The following CACNA2D3 variants were observed in gnomAD, a reference collection of about 807,000 sequenced individuals.
CACNA2D3 encodes the protein voltage-dependent calcium channel subunit alpha-2/delta-3.
A neutral mutation model predicts 160.6 loss-of-function variants in CACNA2D3; 60 were observed. The ratio of observed to expected loss-of-function variants is 0.37; its 90% confidence interval spans 0.30 to 0.46. CACNA2D3 has a LOEUF of 0.46. Ranked by LOEUF, CACNA2D3 falls within the 20% of genes least tolerant of loss-of-function variation. The probability of loss-of-function intolerance (pLI) is 1.00; values close to 1 mark genes in which losing one functional copy is unlikely to be tolerated. For synonymous variants in CACNA2D3, 558 were observed against 492.9 expected, an observed-to-expected ratio of 1.13 and a Z score of -1.75; for missense variants, 1,205 against 1,365.0, an observed-to-expected ratio of 0.88 and a Z score of 1.85.
chr3:54,749,666 C>T (rs1559568374), intron 11 of CACNA2D3, among the ~76,000 whole-genome samples: 5 of 152,160 alleles, frequency 3.3e-5, no homozygotes, highest in African/African-American at 4.8e-5. Context: ...AAAGGCATTA[C>T]TGTGAGAGAT....
At chr3:54,582,044 T>C (rs1470048177) in intron 9 of CACNA2D3, among the ~76,000 whole-genome samples, 167 bp downstream of exon 9, 1 of 152,196 alleles carries the variant, frequency 6.6e-6, no homozygotes, top group Non-Finnish European at 1.5e-5. Context: ...ATCATGGCAC[T>C]AAAATAATTA....
intron 2 of CACNA2D3, among the ~76,000 whole-genome samples, chr3:54,240,849 C>G (rs751466914): frequency 6.6e-6 from 1 of 152,088 alleles, no homozygotes; most frequent in Non-Finnish European, 1.5e-5. Flanking sequence ...TCAAGTGATT[C>G]TCCTGTCTCA....
chr3:54,809,311 C>CTTTTTTTTTTTTTTTTTTTTTTTTTT lies in CACNA2D3; in HGVS notation c.1381-7524_1381-7523insTTTTTTTTTTTTTTTTTTTTTTTTTT, dbSNP rs1217898723. Among the ~76,000 whole-genome samples the CTTTTTTTTTTTTTTTTTTTTTTTTTT allele has an allele frequency of 3.1e-4, 25 of 80,726 alleles. 2 individuals carry two copies. The highest frequency in any genetic ancestry group is 4.5e-4 in the East Asian group (1 of 2,204). 53.0% of individuals were successfully genotyped at this position (80,726 alleles called of 152,430 possible). On this transcript the variant is annotated intron_variant, in intron 13 of 37. Coordinates refer to ENST00000474759, the MANE Select transcript of CACNA2D3 (RefSeq NM_018398.3). ...TCTTTCTTTCCTTCCTTCCTTCTTT[C>CTTTTTTTTTTTTTTTTTTTTTTTTTT]TTTTTTTTTTTTTTTTTTGAGACGG...
intron 35 of CACNA2D3, among the ~76,000 whole-genome samples, chr3:55,073,077 G>A (rs996128094): frequency 6.6e-6 from 1 of 152,170 alleles, no homozygotes; most frequent in African/African-American, 2.4e-5. Flanking sequence ...AACATCAAAT[G>A]TAACTTGGGG....
intron 27 of CACNA2D3, among the ~76,000 whole-genome samples, chr3:54,967,544 C>T (rs1015429950): frequency 1.3e-5 from 2 of 152,128 alleles, no homozygotes; most frequent in African/African-American, 2.4e-5. Flanking sequence ...GTGCAACAGA[C>T]TACAGTTTGC....
At chr3:54,762,905 C>T (rs1017594787) in intron 12 of CACNA2D3, among the ~76,000 whole-genome samples, 2 of 151,982 alleles carry the variant, frequency 1.3e-5, no homozygotes, top group African/African-American at 4.8e-5. Flanking sequence ...TCCTAGCTAA[C>T]ACGGTGAAAC....
chr3:54,375,651 T>A (rs1449328), intron 3 of CACNA2D3, among the ~76,000 whole-genome samples: 38,489 of 151,898 alleles, frequency 0.25, 4,970 homozygotes, highest in Middle Eastern at 0.32. Flanking sequence ...AAAGGACCTT[T>A]TGGGTCATAG....
At chr3:54,854,846 T>A (rs947038389) in intron 17 of CACNA2D3, among the ~76,000 whole-genome samples, 3 of 152,116 alleles carry the variant, frequency 2.0e-5, no homozygotes, top group African/African-American at 2.4e-5. Context: ...AAAAAGTAAA[T>A]TCGGGTCAGT....
chr3:54,352,312 T>G (rs1168048464), intron 3 of CACNA2D3, among the ~76,000 whole-genome samples: 1 of 152,098 alleles, frequency 6.6e-6, no homozygotes, highest in East Asian at 1.9e-4. Context: ...GAGGATAGAG[T>G]CCTAGGGTAC....
intron 3 of CACNA2D3, among the ~76,000 whole-genome samples, chr3:54,367,868 C>G (rs1011532064): frequency 3.3e-5 from 5 of 152,182 alleles, no homozygotes; most frequent in African/African-American, 9.7e-5. Flanking sequence ...TCCGCATGGC[C>G]TAGAGCCTTG....
intron 5 of CACNA2D3, among the ~76,000 whole-genome samples, chr3:54,543,874 T>A (rs1575513746): frequency 6.6e-6 from 1 of 152,352 alleles, no homozygotes; most frequent in Non-Finnish European, 1.5e-5. Context: ...TCCATGTTGT[T>A]TTTGCTAATA....
chr3:55,027,001 A>ACACACG (rs1176323989), intron 35 of CACNA2D3, among the ~76,000 whole-genome samples: 2 of 152,142 alleles, frequency 1.3e-5, no homozygotes, highest in African/African-American at 4.8e-5. Flanking sequence ...GCACACACAC[A>ACACACG]CACACGCACA....
chr3:54,766,966 C>T (rs560581388), intron 13 of CACNA2D3, among the ~76,000 whole-genome samples: 15 of 149,162 alleles, frequency 1.0e-4, no homozygotes, highest in African/African-American at 3.4e-4. Context: ...AAACAAGAAA[C>T]AGAATAAACC....
At chr3:54,253,571 C>T (rs1446440474) in intron 2 of CACNA2D3, among the ~76,000 whole-genome samples, 1 of 152,166 alleles carries the variant, frequency 6.6e-6, no homozygotes, top group East Asian at 1.9e-4. Context: ...CCAGGGCCCA[C>T]CTCCAACACT....
chr3:54,836,051 T>C (rs1391101725), intron 14 of CACNA2D3, among the ~76,000 whole-genome samples: 2 of 152,150 alleles, frequency 1.3e-5, no homozygotes, highest in East Asian at 1.9e-4. Flanking sequence ...AAGCCTACCA[T>C]GTTCCAAGAC....
chr3:54,264,778 T>A (rs4257582), intron 2 of CACNA2D3, among the ~76,000 whole-genome samples: 105,427 of 152,126 alleles, frequency 0.69, 37,208 homozygotes, highest in African/African-American at 0.84. Flanking sequence ...AGTCAGTTGA[T>A]CCAAACACTA....
chr3:54,442,297 A>G (rs1700157395), intron 4 of CACNA2D3, among the ~76,000 whole-genome samples: 1 of 152,150 alleles, frequency 6.6e-6, no homozygotes. Flanking sequence ...AGAAGCTTCT[A>G]GAGAATGCTT....
intron 27 of CACNA2D3, chr3:54,924,622 T>A (rs1171323877): frequency 1.2e-6 from 2 of 1,613,004 alleles, no homozygotes; most frequent in Non-Finnish European, 1.7e-6. Context: ...GACTGACCTT[T>A]ATAGACAAAT....
intron 18 of CACNA2D3, chr3:54,878,781 T>G: frequency 5.7e-6 from 2 of 349,130 alleles, no homozygotes; most frequent in East Asian, 9.3e-5. Context: ...CCAAGGCTCT[T>G]TTGTTATTGT....
Sources: gnomAD v4.1 joint callset for allele counts (sites outside exome capture counted in the v4.1 genomes callset) on GRCh38, gnomAD v4.1.1 for gene constraint, MANE v1.5 for transcripts, NCBI Gene and HGNC (gene_info 2026-07-23, HGNC 2026-07-21) for gene names.